Variants in ZNF138 observed in about 807,000 individuals in gnomAD.
ZNF138 encodes the protein zinc finger protein 138.
A neutral mutation model predicts 33.0 loss-of-function variants in ZNF138; 33 were observed. That is an observed-to-expected ratio of 1.00 (90% confidence interval 0.76 to 1.34). The LOEUF (loss-of-function observed/expected upper bound fraction) is 1.34. ZNF138 is among the 40% of genes most tolerant of loss of function. The pLI, the probability that ZNF138 is intolerant of heterozygous loss-of-function variation, is 0.00. For missense variants in ZNF138, 360 were observed against 370.8 expected (o/e 0.97, Z 0.24); for synonymous variants, 139 against 120.4 (o/e 1.15, Z -1.01).
At position 64,831,485 on chromosome 7, in the gene ZNF138, A is replaced by T; in HGVS notation, c.243A>T (p.Leu81=). Residue 81 remains leucine, a synonymous_variant, in exon 4 of 4, where the codon CTA becomes CTT. Coordinates refer to ENST00000307355, the MANE Select transcript of ZNF138 (RefSeq NM_001271639.2). The part of the protein sequence containing the change: ...LCSRFAQDLW[L]EQNIKDSFQK... ...CTCGTTTTGCCCAAGACCTTTGGCT[A>T]GAGCAGAACATAAAAGATTCTTTCC... 6.3e-7 allele frequency: 1 copy of T among 1,588,274 alleles called. No homozygotes were observed. Among genetic ancestry groups the T allele is most frequent in the Non-Finnish European group, 8.5e-7 (1 of 1,170,852 alleles).
chr7:64,805,895 A>G (rs932867426), intron 1 of ZNF138, among the ~76,000 whole-genome samples: 2 of 152,206 alleles, frequency 1.3e-5, no homozygotes, highest in Non-Finnish European at 2.9e-5. Context: ...TGAATTTAGG[A>G]TGAACTACAT....
the ZNF138 span, among the ~76,000 whole-genome samples, chr7:64,858,408 G>T: frequency 6.6e-6 from 1 of 152,102 alleles, no homozygotes; most frequent in African/African-American, 2.4e-5. Flanking sequence ...AAAATCATGG[G>T]GAAGTCTTTT....
At chr7:64,821,040 T>TTTTTG (rs1554367738) in intron 3 of ZNF138, among the ~76,000 whole-genome samples, 4 of 86,616 alleles carry the variant, frequency 4.6e-5, no homozygotes, top group African/African-American at 1.8e-4. Flanking sequence ...TGATTGTTTT[T>TTTTTG]TTTTGTTTTG....
chr7:64,800,431 T>C (rs1021184518), intron 1 of ZNF138, among the ~76,000 whole-genome samples: 9 of 152,244 alleles, frequency 5.9e-5, no homozygotes, highest in African/African-American at 1.9e-4. Context: ...CTCCTGCATC[T>C]ATTAAGATAA....
rs559704415 is a variant in ZNF138, at chr7:64,798,423, C to T, written c.3+3852C>T. 1.1e-4 allele frequency among the ~76,000 whole-genome samples: 16 copies of T among 152,216 alleles called. No homozygotes were observed. The South Asian group carries it at 1.9e-3, about 18-fold the overall frequency. On this transcript the variant is annotated intron_variant, in intron 1 of 3. Transcript: ENST00000307355. ...TTTATTTGACCGCTGAAGAAAAATTCGGCTATTTTTTTAAATACAAAAAAG... is the reference window on the plus strand; with the variant it reads ...TTTATTTGACCGCTGAAGAAAAATTTGGCTATTTTTTTAAATACAAAAAAG...
intron 3 of ZNF138, among the ~76,000 whole-genome samples, chr7:64,817,699 A>T (rs1562908786): frequency 6.6e-6 from 1 of 152,184 alleles, no homozygotes; most frequent in Non-Finnish European, 1.5e-5. Context: ...CTGTTGGGGC[A>T]TAAAAAAATA....
chr7:64,803,316 T>C (rs1787311207), intron 1 of ZNF138, among the ~76,000 whole-genome samples: 1 of 151,862 alleles, frequency 6.6e-6, no homozygotes, highest in African/African-American at 2.4e-5. Flanking sequence ...CAGATTTGTT[T>C]AGATTAAAGC....
chr7:64,844,280 G>A, the ZNF138 span, among the ~76,000 whole-genome samples: 1 of 152,182 alleles, frequency 6.6e-6, no homozygotes, highest in African/African-American at 2.4e-5. Context: ...GGTGCACAGA[G>A]ATTTAAAGGG....
In ZNF138 at chr7:64,831,494, C is replaced by T. The variant is rs1315590480; in HGVS notation, c.252C>T (p.Asn84=). The T allele has an allele frequency of 3.1e-6, 5 of 1,600,596 alleles. No individual in the cohort carries two copies. Among genetic ancestry groups the T allele is most frequent in the Non-Finnish European group, 4.3e-6 (5 of 1,175,428 alleles). The change falls in exon 4 of 4, where the codon AAC becomes AAT. Residue 84 remains asparagine, a synonymous_variant. Coordinates refer to ENST00000307355, the MANE Select transcript of ZNF138 (RefSeq NM_001271639.2). ...CCCAAGACCTTTGGCTAGAGCAGAA[C>T]ATAAAAGATTCTTTCCAAAAAGTGA... ...RFAQDLWLEQ[N]IKDSFQKVTL... is the part of the protein sequence containing the mutation.
the ZNF138 span, among the ~76,000 whole-genome samples, chr7:64,839,253 C>T: frequency 6.6e-6 from 1 of 152,282 alleles, no homozygotes; most frequent in East Asian, 1.9e-4. Context: ...TAGTTGCTTT[C>T]GTTTTAAATC....
rs1305949638 is a variant in ZNF138, at chr7:64,821,985, C to T, written c.208+6332C>T. On this transcript the variant is annotated intron_variant, in intron 3 of 3. Transcript: ENST00000307355. ...CCAGGCTGGAGTGCAGTGGCGCGAT[C>T]TCAGCTCACTGCAAGCTCTGCCTCC... Among the ~76,000 whole-genome samples the T allele has an allele frequency of 1.2e-4, 17 of 137,556 alleles. 1 individual carries two copies. Among genetic ancestry groups the T allele is most frequent in the African/African-American group, 4.7e-4 (17 of 36,148 alleles). 90.2% of individuals were successfully genotyped at this position (137,556 alleles called of 152,430 possible).
At chr7:64,803,629 G>A (rs1787337345) in intron 1 of ZNF138, among the ~76,000 whole-genome samples, 1 of 152,148 alleles carries the variant, frequency 6.6e-6, no homozygotes, top group African/African-American at 2.4e-5. Flanking sequence ...ATTTTATACA[G>A]TAGTGTGAAT....
At chr7:64,801,170 A>C (rs1787110026) in intron 1 of ZNF138, among the ~76,000 whole-genome samples, 1 of 151,984 alleles carries the variant, frequency 6.6e-6, no homozygotes, top group South Asian at 2.1e-4. Context: ...AATCTCCTTC[A>C]GTACAGCTCT....
intron 3 of ZNF138, among the ~76,000 whole-genome samples, chr7:64,820,783 C>T (rs1169347702): frequency 6.6e-6 from 1 of 151,418 alleles, no homozygotes; most frequent in East Asian, 1.9e-4. Flanking sequence ...AGGCTGGTCT[C>T]GAAGTCCTGA....
the ZNF138 span, among the ~76,000 whole-genome samples, chr7:64,845,738 CT>C: frequency 2.0e-5 from 3 of 152,078 alleles, no homozygotes; most frequent in South Asian, 6.2e-4. Flanking sequence ...TGAGAATTGT[CT>C]TTTCGTGTTT....
At chr7:64,836,203 G>A (rs1244299822), downstream of ZNF138, 5 of 152,162 alleles carry the variant, frequency 3.3e-5, no homozygotes, top group Non-Finnish European at 7.3e-5. Context: ...TGGTATAGGG[G>A]TGGATGAATT....
At chr7:64,796,296 T>G (rs957194508) in intron 1 of ZNF138, among the ~76,000 whole-genome samples, 1 of 152,114 alleles carries the variant, frequency 6.6e-6, no homozygotes, top group Admixed American at 6.5e-5. Context: ...GAGAGGGTGG[T>G]CTTCAGAGAG....
Position 64,832,858 on chromosome 7 carries a change from CT to C in ZNF138, c.*660del. On this transcript the variant is annotated 3_prime_UTR_variant, in exon 4 of 4. Coordinates refer to ENST00000307355, the MANE Select transcript of ZNF138 (RefSeq NM_001271639.2). ...TACAAATGTGAAGAATGTGGCATAT[CT>C]TTTAACCAGTTCTCACAACTTGCTA... 2.3e-6 allele frequency: 1 copy of C among 427,886 alleles called. No individual in the cohort carries two copies. Among genetic ancestry groups the C allele is most frequent in the Non-Finnish European group, 4.7e-6 (1 of 211,542 alleles). 26.5% of individuals were successfully genotyped at this position (427,886 alleles called of 1,614,324 possible). A position where few individuals can be genotyped will look rare whatever the true frequency, so the allele number is the denominator to read the frequency against.
the ZNF138 span, among the ~76,000 whole-genome samples, chr7:64,844,344 TAC>T: frequency 6.6e-6 from 1 of 152,246 alleles, no homozygotes; most frequent in Non-Finnish European, 1.5e-5. Context: ...GAAAAGGTCC[TAC>T]AGTGCCCAGA....
Sources: allele counts gnomAD v4.1 joint callset (sites outside exome capture counted in the v4.1 genomes callset), GRCh38; gene constraint gnomAD v4.1.1; transcripts MANE v1.5; gene names NCBI Gene and HGNC (gene_info 2026-07-23, HGNC 2026-07-21).